The following STARD3NL variants were observed in gnomAD, a reference collection of about 807,000 sequenced individuals.
STARD3NL encodes the protein STARD3 N-terminal-like protein.
STARD3NL carries 17 observed loss-of-function variants against 30.9 expected under a neutral mutation model. That is an observed-to-expected ratio of 0.55 (90% CI 0.38 to 0.82). The LOEUF (loss-of-function observed/expected upper bound fraction) is 0.82, where lower values mean the gene tolerates loss of function less well. STARD3NL is among the 40% of genes least tolerant of loss of function. The pLI, the probability that STARD3NL is intolerant of heterozygous loss-of-function variation, is 0.00. For missense variants in STARD3NL, 234 were observed against 277.6 expected, an observed-to-expected ratio of 0.84 and a Z score of 1.12; for synonymous variants, 112 against 100.5, an observed-to-expected ratio of 1.11 and a Z score of -0.69.
chr7:38,190,946 C>T (rs1206034538), intron 1 of STARD3NL, among the ~76,000 whole-genome samples: 11 of 152,108 alleles, frequency 7.2e-5, no homozygotes, highest in Admixed American at 6.5e-5. Flanking sequence ...CTTGTTGCAA[C>T]GCATCAGAAG....
intron 1 of STARD3NL, among the ~76,000 whole-genome samples, chr7:38,191,761 AG>A (rs1403567158): frequency 1.3e-5 from 2 of 152,194 alleles, no homozygotes; most frequent in Non-Finnish European, 2.9e-5. Flanking sequence ...TTCTTATGCT[AG>A]TACCATACTG....
intron 7 of STARD3NL, among the ~76,000 whole-genome samples, chr7:38,219,889 A>T (rs1039213034): frequency 3.9e-5 from 6 of 152,144 alleles, no homozygotes; most frequent in African/African-American, 1.4e-4. Context: ...GATTTGTGAT[A>T]TGTATCTTAG....
intron 1 of STARD3NL, among the ~76,000 whole-genome samples, chr7:38,189,402 A>C (rs191916953): frequency 2.0e-5 from 3 of 152,196 alleles, no homozygotes; most frequent in Admixed American, 1.3e-4. Flanking sequence ...TAAGTCAGCC[A>C]TGTGAATTAA....
chr7:38,201,916 T>C (rs1785198616), intron 1 of STARD3NL: 2 of 152,304 alleles, frequency 1.3e-5, no homozygotes, highest in Non-Finnish European at 2.9e-5. Context: ...CTTGAACTGC[T>C]GGCCTCAAGT....
intron 7 of STARD3NL, among the ~76,000 whole-genome samples, chr7:38,220,884 G>A (rs1179541278): frequency 6.6e-6 from 1 of 152,136 alleles, no homozygotes; most frequent in African/African-American, 2.4e-5. Flanking sequence ...TAGGAGGATC[G>A]CTTGAGCCCA....
chr7:38,200,472 A>G (rs896496478), intron 1 of STARD3NL, among the ~76,000 whole-genome samples: 1 of 152,136 alleles, frequency 6.6e-6, no homozygotes, highest in Non-Finnish European at 1.5e-5. Flanking sequence ...TGAGTTCTTA[A>G]AAACATTTAG....
chr7:38,200,019 A>G (rs1311538818), intron 1 of STARD3NL, among the ~76,000 whole-genome samples: 1 of 152,304 alleles, frequency 6.6e-6, no homozygotes, highest in Admixed American at 6.5e-5. Flanking sequence ...CACCTAGGCT[A>G]GCCAGTCCCA....
intron 1 of STARD3NL, among the ~76,000 whole-genome samples, chr7:38,195,117 G>A (rs557251312): frequency 1.7e-4 from 26 of 152,262 alleles, no homozygotes; most frequent in South Asian, 1.7e-3. Flanking sequence ...GAGTGCAGTG[G>A]CACAGTCTCG....
chr7:38,225,209 T>C (rs1043606689), intron 7 of STARD3NL, among the ~76,000 whole-genome samples: 6 of 152,210 alleles, frequency 3.9e-5, no homozygotes, highest in African/African-American at 2.4e-5. Flanking sequence ...CTTTTTATTA[T>C]TGAGTTGTAA....
intron 1 of STARD3NL, among the ~76,000 whole-genome samples, chr7:38,205,304 C>T (rs894214281): frequency 2.6e-5 from 4 of 152,206 alleles, no homozygotes; most frequent in East Asian, 1.9e-4. Flanking sequence ...AATTGGGCTT[C>T]ATCCCTGGGA....
At chr7:38,220,347 A>G (rs1786380466) in intron 7 of STARD3NL, among the ~76,000 whole-genome samples, 1 of 152,248 alleles carries the variant, frequency 6.6e-6, no homozygotes, top group Admixed American at 6.5e-5. Flanking sequence ...CAAAGAAGAT[A>G]AACAAATGGC....
intron 1 of STARD3NL, chr7:38,201,880 G>A (rs1269418979): frequency 6.6e-6 from 1 of 152,120 alleles, no homozygotes; most frequent in African/African-American, 2.4e-5. Flanking sequence ...GTAGAGACAG[G>A]GTTTCCCTAT....
At chr7:38,228,612 A>C (rs914367775) in intron 7 of STARD3NL, among the ~76,000 whole-genome samples, 187 bp from the exon 8 acceptor site, 1 of 152,246 alleles carries the variant, frequency 6.6e-6, no homozygotes, top group African/African-American at 2.4e-5. Flanking sequence ...TTATTGTTTA[A>C]AGGTTTTCCT....
intron 7 of STARD3NL, among the ~76,000 whole-genome samples, chr7:38,221,575 G>A (rs747783971): frequency 2.6e-4 from 40 of 152,232 alleles, no homozygotes; most frequent in Admixed American, 2.0e-4. Flanking sequence ...ATAATAAGTG[G>A]TGTAGCTGGG....
chr7:38,187,217 A>G (rs1022969777), intron 1 of STARD3NL, among the ~76,000 whole-genome samples: 1 of 152,122 alleles, frequency 6.6e-6, no homozygotes, highest in East Asian at 1.9e-4. Context: ...AGTATTTCAT[A>G]CCACCCAACA....
intron 1 of STARD3NL, among the ~76,000 whole-genome samples, chr7:38,197,365 A>G (rs1457178126): frequency 6.6e-6 from 1 of 151,720 alleles, no homozygotes; most frequent in African/African-American, 2.4e-5. Flanking sequence ...AGCTAAGACT[A>G]CAAGTCTACA....
chr7:38,220,430 C>T (rs916960078), intron 7 of STARD3NL, among the ~76,000 whole-genome samples: 5 of 152,140 alleles, frequency 3.3e-5, no homozygotes, highest in South Asian at 2.1e-4. Context: ...AACAAGATAC[C>T]GCTTCATACC....
chr7:38,206,337 T>C (rs62443335), intron 1 of STARD3NL, among the ~76,000 whole-genome samples: 11,364 of 152,188 alleles, frequency 0.075, 579 homozygotes, highest in Non-Finnish European at 0.11. Flanking sequence ...CCACGTTACA[T>C]GCCACGTTCA....
chr7:38,213,089 C>T (rs1785901146), intron 2 of STARD3NL, among the ~76,000 whole-genome samples: 1 of 152,120 alleles, frequency 6.6e-6, no homozygotes, highest in African/African-American at 2.4e-5. Flanking sequence ...TCCTGTTCTC[C>T]CAGGAATAGC....
Sources: gnomAD v4.1 joint callset for allele counts (sites outside exome capture counted in the v4.1 genomes callset) on GRCh38, gnomAD v4.1.1 for gene constraint, MANE v1.5 for transcripts, NCBI Gene and HGNC (gene_info 2026-07-23, HGNC 2026-07-21) for gene names.